The following PRSS22 variants were observed in gnomAD, a reference collection of about 807,000 sequenced individuals.
PRSS22 encodes brain-specific serine protease 4.
In PRSS22, 26 loss-of-function variants were observed where a neutral mutation model predicts 28.0. That is an observed-to-expected ratio of 0.93 (90% CI 0.68 to 1.29). The LOEUF is 1.29. Ranked by LOEUF, PRSS22 falls within the 50% of genes most tolerant of loss-of-function variation. The pLI is 0.00. For missense variants in PRSS22, 444 were observed against 422.1 expected, an observed-to-expected ratio of 1.05 and a Z score of -0.46; for synonymous variants, 217 against 177.9, an observed-to-expected ratio of 1.22 and a Z score of -1.75.
At position 2,855,984 on chromosome 16, in the gene PRSS22, C is replaced by G. The variant is rs552187526; in HGVS notation, c.281+98G>C. The G allele has an allele frequency of 4.9e-5, 74 of 1,525,642 alleles. No individual in the cohort carries two copies. In the African/African-American group the frequency reaches 9.7e-4, roughly 20 times the overall value. The allele number at this position is 1,525,642 out of a possible 1,614,324, so 94.5% of individuals were successfully genotyped here. A position where few individuals can be genotyped will look rare whatever the true frequency, so the allele number is the denominator to read the frequency against. On this transcript the variant is annotated intron_variant, in intron 3 of 5. Coordinates refer to ENST00000161006, the MANE Select transcript of PRSS22 (RefSeq NM_022119.4). ...AGAATCGAGGGGCACCAAGATTGAA[C>G]AGAGGCCCGGAAGCAGAGCCTGTAA...
rs200802675 is a variant in PRSS22, at chr16:2,856,170, C to T, written c.193G>A (p.Val65Met). 8 of 1,613,734 alleles carry T rather than the reference C, an allele frequency of 5.0e-6. No individual in the cohort carries two copies. The Admixed American group carries it at 1.0e-4, about 20-fold the overall frequency. Residue 65 changes from valine to methionine, a missense_variant, in exon 3 of 6, where the codon GTG becomes ATG. Coordinates refer to ENST00000161006, the MANE Select transcript of PRSS22 (RefSeq NM_022119.4). Reference protein sequence around the residue: ...DSTDSEWPWIVSIQKNGTHHC... With the variant: ...DSTDSEWPWIMSIQKNGTHHC... ...TGGGTCCCATTCTTCTGGATGCTCA[C>T]GATCCAGGGCCACTCGCTGTCAGTG...
At chr16:2,855,478 T>A (rs907398784) in intron 4 of PRSS22, 96 bp downstream of exon 4, 3 of 1,422,934 alleles carry the variant, frequency 2.1e-6, no homozygotes, top group Non-Finnish European at 2.9e-6. Context: ...GCCTCTGGCC[T>A]CCACCCTTTG....
In PRSS22 at chr16:2,853,794, G is replaced by A. The variant is rs567539355; in HGVS notation, c.717+71C>T. 1 of 1,553,806 alleles carries A rather than the reference G, an allele frequency of 6.4e-7. No homozygotes were observed. Among genetic ancestry groups the A allele is most frequent in the South Asian group, 1.2e-5 (1 of 86,572 alleles). The stretch of plus-strand genomic sequence containing the variant: ...CCAGGGAGAGGTTGTGGGGCTCAGT[G>A]GGGACAGGACTGACGCTGGCTCCTT... On this transcript the variant is annotated intron_variant, in intron 5 of 5. Coordinates refer to ENST00000161006, the MANE Select transcript of PRSS22 (RefSeq NM_022119.4). The surrounding 1 kb of genome is among the most constrained non-coding windows in gnomAD (Gnocchi z 4.6).
chr16:2,857,961 AG>A, intron 1 of PRSS22, 61 bp downstream of exon 1: 1 of 1,172,732 alleles, frequency 8.5e-7, no homozygotes. Context: ...AGAGGGAGGG[AG>A]GGAAGGAGGG....
In PRSS22 at chr16:2,853,047, T is replaced by A; in HGVS notation, c.*46A>T. 7.5e-7 allele frequency: 1 copy of A among 1,324,862 alleles called. No homozygotes were observed. The highest frequency in any genetic ancestry group is 1.0e-6 in the Non-Finnish European group (1 of 976,926). The allele number at this position is 1,324,862 out of a possible 1,614,324, so 82.1% of individuals were successfully genotyped here. ...GCCGCCGCAGATCCAGATCCAGATGTGGATCTGGCCGCCTTTCAGATCCGA... is the reference window on the plus strand; with the variant it reads ...GCCGCCGCAGATCCAGATCCAGATGAGGATCTGGCCGCCTTTCAGATCCGA... On this transcript the variant is annotated 3_prime_UTR_variant, in exon 6 of 6. Transcript: ENST00000161006. This position sits in a 1 kb window ranked among gnomAD's most constrained non-coding sequence, Gnocchi z 4.6.
chr16:2,855,737 A>G lies in PRSS22; in HGVS notation c.396T>C (p.Tyr132=). 2 of 1,614,208 alleles carry G rather than the reference A, an allele frequency of 1.2e-6. No individual in the cohort carries two copies. The highest frequency in any genetic ancestry group is 1.7e-6 in the Non-Finnish European group (2 of 1,180,042). The change falls in exon 4 of 6, where the codon TAT becomes TAC. Residue 132 remains tyrosine (Y), a synonymous_variant. Transcript: ENST00000161006. ...CTGCACAGGCACCTTCCTTCCAGGA[A>G]TACACAGGGTGGGGCTCCACCCAGG... ...GVAWVEPHPV[Y]SWKEGACADI...
In PRSS22 at chr16:2,858,063, AC is replaced by A; in HGVS notation, c.41del (p.Cys14PhefsTer34). 1 of 1,277,562 alleles carries A rather than the reference AC, an allele frequency of 7.8e-7. No individual in the cohort carries two copies. Among genetic ancestry groups the A allele is most frequent in the Non-Finnish European group, 1.0e-6 (1 of 1,003,640 alleles). 79.1% of individuals were successfully genotyped at this position (1,277,562 alleles called of 1,614,324 possible). A position where few individuals can be genotyped will look rare whatever the true frequency, so the allele number is the denominator to read the frequency against. On this transcript the variant is annotated frameshift_variant, in exon 1 of 6. Transcript: ENST00000161006. LOFTEE classifies it high-confidence loss of function. ...SGAPPALGGG[C>X]LGTFTSLLLL... ...GCAGCAGGGAGGTGAAGGTGCCGAG[AC>A]AGCCCCCACCCAGGGCTGGGGGCGC...
chr16:2,853,020 A>T lies in PRSS22; in HGVS notation c.*73T>A. ...TATTTACGGCGGGGGAAACCGCCCG[A>T]GGCCGCCGCAGATCCAGATCCAGAT... On this transcript the variant is annotated 3_prime_UTR_variant, in exon 6 of 6. Coordinates refer to ENST00000161006, the MANE Select transcript of PRSS22 (RefSeq NM_022119.4). The surrounding 1 kb of genome is among the most constrained non-coding windows in gnomAD (Gnocchi z 4.6). 9.4e-7 allele frequency: 1 copy of T among 1,059,344 alleles called. No homozygotes were observed. The highest frequency in any genetic ancestry group is 1.3e-6 in the Non-Finnish European group (1 of 761,154). The allele number at this position is 1,059,344 out of a possible 1,614,324, so 65.6% of individuals were successfully genotyped here. A position where few individuals can be genotyped will look rare whatever the true frequency, so the allele number is the denominator to read the frequency against.
rs776959250 is a variant in PRSS22 at position 2,853,253 on chromosome 16, C to A, written c.794G>T (p.Gly265Val). 2.9e-5 allele frequency: 47 copies of A among 1,600,746 alleles called. No individual in the cohort carries two copies. Among genetic ancestry groups the A allele is most frequent in the Non-Finnish European group, 3.7e-5 (44 of 1,179,704 alleles). ...LLAGIISWGEGCAERNRPGVY... is the reference protein window; with the variant it reads ...LLAGIISWGEVCAERNRPGVY... ...CCCGGGCCTGTTGCGCTCGGCACAGCCCTCGCCCCAGCTGATGATGCCGGC... is the reference window on the plus strand; with the variant it reads ...CCCGGGCCTGTTGCGCTCGGCACAGACCTCGCCCCAGCTGATGATGCCGGC... The change falls in exon 6 of 6, where the codon GGC becomes GTC. Residue 265 changes from glycine to valine, a missense_variant. Gly to Val is a moderately radical substitution (Grantham distance 109). Coordinates refer to ENST00000161006, the MANE Select transcript of PRSS22 (RefSeq NM_022119.4). The surrounding 1 kb of genome is among the most constrained non-coding windows in gnomAD (Gnocchi z 4.6).
rs200464790 is a variant in PRSS22, at chr16:2,856,204, G to C, written c.159C>G (p.Gly53=). 5.3e-4 allele frequency: 860 copies of C among 1,613,720 alleles called. 2 individuals are homozygous for C. Among genetic ancestry groups the C allele is most frequent in the Non-Finnish European group, 6.7e-4 (791 of 1,179,942 alleles). ...GCCACTCGCTGTCAGTGCTGTCCTC[G>C]CCGCCCACAACCCGGTTCAGCTGCT... ...KPQQLNRVVG[G]EDSTDSEWPW... Residue 53 remains glycine (G), a synonymous_variant, in exon 3 of 6, where the codon GGC becomes GGG. Transcript: ENST00000161006.
At position 2,852,881 on chromosome 16, in the gene PRSS22, T is replaced by C. The variant is rs1265221646; in HGVS notation, c.*212A>G. The C allele has an allele frequency of 1.8e-6, 1 of 542,760 alleles. No individual in the cohort carries two copies. Among genetic ancestry groups the C allele is most frequent in the African/African-American group, 2.0e-5 (1 of 49,180 alleles). The allele number at this position is 542,760 out of a possible 1,614,324, so 33.6% of individuals were successfully genotyped here. A position where few individuals can be genotyped will look rare whatever the true frequency, so the allele number is the denominator to read the frequency against. ...TCGTGGGGGCGGGGACATGAGGCCG[T>C]TGGGCGGGGCCTGATGCCTTGGAGG... On this transcript the variant is annotated 3_prime_UTR_variant, in exon 6 of 6. Transcript: ENST00000161006.
chr16:2,852,883 G>GGGCGGGGCCTGATGCCTTGGA lies in PRSS22; in HGVS notation c.*189_*209dup. The stretch of plus-strand genomic sequence containing the variant: ...GTGGGGGCGGGGACATGAGGCCGTT[G>GGGCGGGGCCTGATGCCTTGGA]GGCGGGGCCTGATGCCTTGGAGGCG... On this transcript the variant is annotated 3_prime_UTR_variant, in exon 6 of 6. Transcript: ENST00000161006. 1.8e-6 allele frequency: 1 copy of GGGCGGGGCCTGATGCCTTGGA among 549,058 alleles called. No homozygotes were observed. 34.0% of individuals were successfully genotyped at this position (549,058 alleles called of 1,614,324 possible).
rs1320897820 is a variant in PRSS22 at position 2,852,759 on chromosome 16, G to C, written c.*334C>G. On this transcript the variant is annotated 3_prime_UTR_variant, in exon 6 of 6. Coordinates refer to ENST00000161006, the MANE Select transcript of PRSS22 (RefSeq NM_022119.4). ...GAATAAATAATTTATTGAAATTGGA[G>C]GAATAAATAAGATATGTGGGCAGGG... 3.2e-6 allele frequency: 1 copy of C among 309,434 alleles called. No individual in the cohort carries two copies. The highest frequency in any genetic ancestry group is 6.2e-5 in the East Asian group (1 of 16,224). 19.2% of individuals were successfully genotyped at this position (309,434 alleles called of 1,614,324 possible).
chr16:2,854,277 G>T (rs370912814), intron 4 of PRSS22: 1 of 454,538 alleles, frequency 2.2e-6, no homozygotes, highest in African/African-American at 1.9e-5. Context: ...TCCACAGATG[G>T]TTAGAGCCCT....
In PRSS22 at chr16:2,853,014, C is replaced by A. The variant is rs949652583; in HGVS notation, c.*79G>T. 921 of 1,010,886 alleles carry A rather than the reference C, an allele frequency of 9.1e-4. No individual in the cohort carries two copies. The highest frequency in any genetic ancestry group is 1.1e-3 in the Non-Finnish European group (786 of 718,344). The allele number at this position is 1,010,886 out of a possible 1,614,324, so 62.6% of individuals were successfully genotyped here. On this transcript the variant is annotated 3_prime_UTR_variant, in exon 6 of 6. Transcript: ENST00000161006. This position sits in a 1 kb window ranked among gnomAD's most constrained non-coding sequence, Gnocchi z 4.6. ...TGAGCCTATTTACGGCGGGGGAAACCGCCCGAGGCCGCCGCAGATCCAGAT... is the reference window on the plus strand; with the variant it reads ...TGAGCCTATTTACGGCGGGGGAAACAGCCCGAGGCCGCCGCAGATCCAGAT...
Position 2,853,134 on chromosome 16 carries a change from T to C in PRSS22, c.913A>G (p.Arg305Gly). Residue 305 changes from arginine (R) to glycine (G), a missense_variant, in exon 6 of 6, where the codon AGG (arginine) becomes GGG (glycine). Physicochemically the swap from Arg to Gly is moderately radical, Grantham distance 125 (BLOSUM62 -2). Coordinates refer to ENST00000161006, the MANE Select transcript of PRSS22 (RefSeq NM_022119.4). The surrounding 1 kb of genome is among the most constrained non-coding windows in gnomAD (Gnocchi z 4.6). Reference protein sequence around the residue: ...RGRAQGGGALRAPSQGSGAAA... With the variant: ...RGRAQGGGALGAPSQGSGAAA... The stretch of plus-strand genomic sequence containing the variant: ...GCCCCAGAGCCCTGGCTCGGTGCCC[T>C]GAGGGCCCCACCCCCCTGAGCGCGC... 1 of 1,596,848 alleles carries C rather than the reference T, an allele frequency of 6.3e-7. No individual in the cohort carries two copies.
Position 2,856,253 on chromosome 16 carries a change from A to G in PRSS22, c.110T>C (p.Val37Ala). Residue 37 changes from valine to alanine, a missense_variant and splice_region_variant, in exon 3 of 6, where the codon GTT becomes GCT. By Grantham distance (64) the Val-to-Ala change is moderately conservative (BLOSUM62 0). Coordinates refer to ENST00000161006, the MANE Select transcript of PRSS22 (RefSeq NM_022119.4). ...CTGGGGCTTCCCACAGGCTGGGGGA[A>G]CTGGAGGGTACGGTCAAGTTTTGTT... ...TAILNAARIP[V>A]PPACGKPQQL... 3 of 1,613,184 alleles carry G rather than the reference A, an allele frequency of 1.9e-6. No homozygotes were observed. The highest frequency in any genetic ancestry group is 3.5e-4 in the Middle Eastern group (2 of 5,708).
At chr16:2,857,850 C>T (rs1450845826) in intron 1 of PRSS22, 173 bp downstream of exon 1, 2 of 461,082 alleles carry the variant, frequency 4.3e-6, no homozygotes, top group Middle Eastern at 5.7e-4. Flanking sequence ...CTGTTTCATC[C>T]TCACAGCCGT....
chr16:2,856,490 T>C (rs960002604), intron 2 of PRSS22, among the ~76,000 whole-genome samples: 3 of 135,868 alleles, frequency 2.2e-5, no homozygotes, highest in Admixed American at 2.2e-4. Flanking sequence ...GTCCCATCCC[T>C]CCCTCCATCC....
Sources: gnomAD v4.1 joint callset for allele counts (sites outside exome capture counted in the v4.1 genomes callset) on GRCh38, gnomAD v4.1.1 for gene constraint, Gnocchi (gnomAD v3.1) non-coding constraint, MANE v1.5 for transcripts, NCBI Gene and HGNC (gene_info 2026-07-23, HGNC 2026-07-21) for gene names.